Variants in DENND4C observed in about 807,000 individuals in gnomAD.
DENND4C encodes the protein DENN domain containing 4C.
DENND4C carries 108 observed loss-of-function variants against 203.0 expected under a neutral mutation model. That is an observed-to-expected ratio of 0.53 (90% CI 0.46 to 0.62). The LOEUF (loss-of-function observed/expected upper bound fraction) is 0.62, where lower values mean the gene tolerates loss of function less well. Among genes scored for constraint, DENND4C ranks in the 20% least tolerant of loss-of-function variants. The probability of loss-of-function intolerance (pLI) is 0.00; values close to 1 mark genes in which losing one functional copy is unlikely to be tolerated. For synonymous variants in DENND4C, 871 were observed against 792.4 expected, an observed-to-expected ratio of 1.10 and a Z score of -1.67; for missense variants, 2,481 against 2,301.2, an observed-to-expected ratio of 1.08 and a Z score of -1.60.
chr9:19,320,702 T>C (rs764649128), intron 12 of DENND4C, among the ~76,000 whole-genome samples: 8 of 152,210 alleles, frequency 5.3e-5, no homozygotes, highest in Non-Finnish European at 1.0e-4. Context: ...TTGCATCATC[T>C]TATGAGGCAC....
At chr9:19,273,042 G>A (rs568278614) in intron 1 of DENND4C, among the ~76,000 whole-genome samples, 7 of 148,258 alleles carry the variant, frequency 4.7e-5, no homozygotes, top group Admixed American at 1.4e-4. Flanking sequence ...TCCACCTCCC[G>A]GGTTCACGCC....
intron 4 of DENND4C, 38 bp from the exon 5 acceptor site, chr9:19,290,666 C>G (rs773017005): frequency 1.7e-5 from 22 of 1,310,364 alleles, no homozygotes; most frequent in Non-Finnish European, 2.1e-5. Flanking sequence ...GGAAAAGTAA[C>G]TATTTAAAAA....
Position 19,259,223 on chromosome 9 carries a change from C to T in DENND4C, c.-17-16935C>T, listed in dbSNP as rs535415477. Among the ~76,000 whole-genome samples, 63 of 151,880 alleles carry T rather than the reference C, an allele frequency of 4.1e-4. 1 individual carries two copies. In the South Asian group the frequency reaches 0.011, roughly 27 times the overall value. ...TAACCCTATTTTTGTATGCATTAAC[C>T]GTCTCCATTCCGCCCCCGCCACCTC... On this transcript the variant is annotated intron_variant, in intron 1 of 32. Coordinates refer to ENST00000434457, the MANE Select transcript of DENND4C (RefSeq NM_001330640.2).
Position 19,357,089 on chromosome 9 carries a change from C to T in DENND4C, c.4899C>T (p.Asn1633=). The T allele has an allele frequency of 6.2e-7, 1 of 1,613,906 alleles. No individual in the cohort carries two copies. Among genetic ancestry groups the T allele is most frequent in the Non-Finnish European group, 8.5e-7 (1 of 1,179,886 alleles). Residue 1633 remains asparagine (N), a synonymous_variant, in exon 27 of 33, where the codon AAC becomes AAT. Transcript: ENST00000434457. ...GTTTAGCAGAACCTGACTTGATCAA[C>T]TTTATGGACTTCCCAAAACATAACC... ...VSSLAEPDLI[N]FMDFPKHNQI... is the part of the protein sequence containing the mutation.
intron 12 of DENND4C, among the ~76,000 whole-genome samples, chr9:19,321,404 A>C (rs1054423002): frequency 2.6e-5 from 4 of 152,180 alleles, no homozygotes; most frequent in Admixed American, 6.5e-5. Context: ...TTTAACAACC[A>C]AGTGAATGGC....
chr9:19,336,816 T>A lies in DENND4C; in HGVS notation c.2865T>A (p.Asp955Glu), dbSNP rs1820581588. 6.4e-7 allele frequency: 1 copy of A among 1,550,608 alleles called. No homozygotes were observed. Among genetic ancestry groups the A allele is most frequent in the Admixed American group, 2.0e-5 (1 of 51,006 alleles). ...VRDLIRLESI[D>E]NHSSTGGQSD... ...ATTTAATCAGGCTTGAGTCCATTGA[T>A]AATCACTCTAGCACAGGTACTAAAA... The change falls in exon 20 of 33, where the codon GAT (aspartate) becomes GAA (glutamate). Residue 955 changes from aspartate to glutamate, a missense_variant. By Grantham distance (45) the Asp-to-Glu change is conservative (BLOSUM62 2). Coordinates refer to ENST00000434457, the MANE Select transcript of DENND4C (RefSeq NM_001330640.2).
Position 19,328,082 on chromosome 9 carries a change from T to G in DENND4C, c.2173T>G (p.Leu725Val). The part of the protein sequence containing the change: ...DLKLFDRPQE[L>V]KLCFSRHPTG... ...TAAGCTTTTTGACAGACCGCAGGAG[T>G]TGAAACTTTGTTTTAGTAGACACCC... The change falls in exon 16 of 33, where the codon TTG becomes GTG. Residue 725 changes from leucine to valine, a missense_variant. Physicochemically the swap from Leu to Val is conservative, Grantham distance 32 (BLOSUM62 1). This residue lies in a region of DENND4C where 2,289 missense variants were observed against 2,113.3 expected (regional missense o/e 1.08). Coordinates refer to ENST00000434457, the MANE Select transcript of DENND4C (RefSeq NM_001330640.2). The G allele has an allele frequency of 6.2e-7, 1 of 1,613,734 alleles. No homozygotes were observed.
intron 1 of DENND4C, among the ~76,000 whole-genome samples, chr9:19,257,849 G>T (rs775106249): frequency 4.6e-5 from 7 of 152,200 alleles, no homozygotes; most frequent in Non-Finnish European, 1.0e-4. Flanking sequence ...AGAAATAGGG[G>T]CTGGGCAAGG....
chr9:19,316,850 T>A lies in DENND4C; in HGVS notation c.1807+11T>A. ...TGTTTGACCGACAGGGTGAGTAGCA[T>A]TGAAAGTACAATTCCTTTTATTGAG... On this transcript the variant is annotated intron_variant, in intron 12 of 32. Coordinates refer to ENST00000434457, the MANE Select transcript of DENND4C (RefSeq NM_001330640.2). 6.3e-7 allele frequency: 1 copy of A among 1,597,672 alleles called. No homozygotes were observed. The highest frequency in any genetic ancestry group is 1.3e-5 in the African/African-American group (1 of 74,214).
rs748180765 is a variant in DENND4C at position 19,290,761 on chromosome 9, A to G, written c.686A>G (p.Asp229Gly). ...GAGTCATTTCCACTCTCAGAATCAG[A>G]TGTACCTCTTTTCTGCCTTCCTATG... Reference protein sequence around the residue: ...DYESFPLSESDVPLFCLPMGA... With the variant: ...DYESFPLSESGVPLFCLPMGA... Residue 229 changes from aspartate to glycine, a missense_variant, in exon 5 of 33, where the codon GAT becomes GGT. By Grantham distance (94) the Asp-to-Gly change is moderately conservative. Coordinates refer to ENST00000434457, the MANE Select transcript of DENND4C (RefSeq NM_001330640.2). 6.2e-7 allele frequency: 1 copy of G among 1,600,944 alleles called. No homozygotes were observed. The highest frequency in any genetic ancestry group is 8.5e-7 in the Non-Finnish European group (1 of 1,172,940).
rs569315394 is a variant in DENND4C, at chr9:19,278,501, C to G, written c.305+2022C>G. ...TGACCACCACTTGTTACGCTCATCA[C>G]CCACTCTTGTTGCATTAGAGCTCTG... is the stretch of plus-strand genomic sequence containing the variant. On this transcript the variant is annotated intron_variant, in intron 2 of 32. Transcript: ENST00000434457. 2.0e-5 allele frequency among the ~76,000 whole-genome samples: 3 copies of G among 152,224 alleles called. No homozygotes were observed. In the East Asian group the frequency reaches 5.8e-4, roughly 29 times the overall value.
chr9:19,347,642 G>A (rs567732189), intron 23 of DENND4C, among the ~76,000 whole-genome samples: 36 of 152,242 alleles, frequency 2.4e-4, no homozygotes, highest in African/African-American at 7.7e-4. Flanking sequence ...AACTTGAACC[G>A]TATATGTAAG....
At chr9:19,253,028 A>T (rs922284813) in intron 1 of DENND4C, among the ~76,000 whole-genome samples, 3 of 152,222 alleles carry the variant, frequency 2.0e-5, no homozygotes, top group African/African-American at 7.2e-5. Context: ...GTGAGCCAGC[A>T]TACCCAGCCA....
At chr9:19,230,648 A>G (rs1039053616), upstream of DENND4C, 13 of 152,188 alleles carry the variant, frequency 8.5e-5, no homozygotes, top group African/African-American at 3.1e-4. Context: ...CCCTGGCTGT[A>G]GGCGGCGCCC....
chr9:19,300,322 T>A lies in DENND4C; in HGVS notation c.1302T>A (p.Ala434=). Residue 434 remains alanine, a synonymous_variant, in exon 9 of 33, where the codon GCT becomes GCA. Coordinates refer to ENST00000434457, the MANE Select transcript of DENND4C (RefSeq NM_001330640.2). Reference sequence around the variant, plus strand: ...CTGTCTTGACTGGGGTAGCTGAAGCTGTTGTAGCTGTAAGTATAGAATTTT... The same window carrying A: ...CTGTCTTGACTGGGGTAGCTGAAGCAGTTGTAGCTGTAAGTATAGAATTTT... ...RPAVLTGVAE[A]VVAMIFPFQW... is the part of the protein sequence containing the mutation. 1.3e-6 allele frequency: 2 copies of A among 1,582,308 alleles called. No homozygotes were observed. Among genetic ancestry groups the A allele is most frequent in the Non-Finnish European group, 1.7e-6 (2 of 1,158,666 alleles).
chr9:19,308,732 C>T (rs996305905), intron 10 of DENND4C, among the ~76,000 whole-genome samples: 21 of 152,010 alleles, frequency 1.4e-4, no homozygotes, highest in African/African-American at 4.6e-4. Context: ...GATATTTTGC[C>T]TTGAGGCCAT....
intron 26 of DENND4C, among the ~76,000 whole-genome samples, chr9:19,353,480 T>C (rs1588974963): frequency 6.6e-6 from 1 of 151,078 alleles, no homozygotes; most frequent in Non-Finnish European, 1.5e-5. Flanking sequence ...TACAAAAGAT[T>C]AGCCAGGTGT....
At chr9:19,369,116 T>C (rs1396836422) in intron 30 of DENND4C, among the ~76,000 whole-genome samples, 1 of 152,030 alleles carries the variant, frequency 6.6e-6, no homozygotes, top group East Asian at 1.9e-4. Context: ...CACTCCAGCC[T>C]TGGCAACAGA....
chr9:19,297,546 C>A (rs147070937), intron 6 of DENND4C, among the ~76,000 whole-genome samples: 1 of 152,048 alleles, frequency 6.6e-6, no homozygotes. Flanking sequence ...TGTATATAAT[C>A]AATATTTTTT....
Sources: allele counts gnomAD v4.1 joint callset (sites outside exome capture counted in the v4.1 genomes callset), GRCh38; gene constraint gnomAD v4.1.1; regional missense constraint gnomAD v4.1.1; transcripts MANE v1.5; gene names NCBI Gene and HGNC (gene_info 2026-07-23, HGNC 2026-07-21).